Variants in HSPG2 observed in about 807,000 individuals in gnomAD.
The protein encoded by HSPG2 is heparan sulfate proteoglycan 2.
A neutral mutation model predicts 526.6 loss-of-function variants in HSPG2; 278 were observed. The observed-to-expected ratio is 0.53, with a 90% CI of 0.48 to 0.58. The LOEUF (loss-of-function observed/expected upper bound fraction) is 0.58, where lower values mean the gene tolerates loss of function less well. HSPG2 is among the 20% of genes least tolerant of loss of function. The probability of loss-of-function intolerance (pLI) is 0.00; values close to 1 mark genes in which losing one functional copy is unlikely to be tolerated. For missense variants in HSPG2, 5,354 were observed against 6,099.5 expected, an observed-to-expected ratio of 0.88 and a Z score of 4.07; for synonymous variants, 2,465 against 2,555.4, an observed-to-expected ratio of 0.96 and a Z score of 1.07.
chr1:21,908,705 C>A, intron 1 of HSPG2: 3 of 458,282 alleles, frequency 6.5e-6, no homozygotes, highest in Non-Finnish European at 7.6e-6. Context: ...AAGCCATCAA[C>A]TTAAACGACC....
intron 1 of HSPG2, among the ~76,000 whole-genome samples, chr1:21,926,761 C>CAAAAAAAAA (rs57835686): frequency 1.8e-5 from 1 of 55,846 alleles, no homozygotes; most frequent in African/African-American, 7.3e-5. Flanking sequence ...GACTCAGTCT[C>CAAAAAAAAA]AAAAAAAAAA....
chr1:21,852,542 G>C (rs1054983321), intron 52 of HSPG2, among the ~76,000 whole-genome samples, 158 bp downstream of exon 52: 1 of 152,206 alleles, frequency 6.6e-6, no homozygotes, highest in African/African-American at 2.4e-5. Flanking sequence ...ACGGGAAGGC[G>C]GTGGTTACTC....
chr1:21,849,344 C>A (rs1638703524), intron 57 of HSPG2, among the ~76,000 whole-genome samples: 1 of 152,184 alleles, frequency 6.6e-6, no homozygotes, highest in Non-Finnish European at 1.5e-5. Context: ...CTCTGACCCC[C>A]AAGGCCTGGC....
chr1:21,846,122 G>A lies in HSPG2; in HGVS notation c.8450C>T (p.Ala2817Val). The change falls in exon 64 of 97, where the codon GCT becomes GTT. Residue 2817 changes from alanine (A) to valine (V), a missense_variant. Ala to Val is a moderately conservative substitution (Grantham distance 64, BLOSUM62 0). Transcript: ENST00000374695. ...LVTIEASGSS[A>V]VHVPAPGGAP... ...GGGACCCTCACCGGGGACGTGGACAGCACTTGAGCCAGAGGCTTCGATGGT... is the reference window on the plus strand; with the variant it reads ...GGGACCCTCACCGGGGACGTGGACAACACTTGAGCCAGAGGCTTCGATGGT... 6.2e-7 allele frequency: 1 copy of A among 1,612,906 alleles called. No individual in the cohort carries two copies. Among genetic ancestry groups the A allele is most frequent in the Non-Finnish European group, 8.5e-7 (1 of 1,180,044 alleles).
intron 74 of HSPG2, among the ~76,000 whole-genome samples, chr1:21,837,598 C>T (rs886162598): frequency 6.6e-6 from 1 of 152,046 alleles, no homozygotes; most frequent in Admixed American, 6.6e-5. Context: ...CATACTCAGA[C>T]ATTTTAAGGA....
At chr1:21,930,022 A>T (rs1348307236) in intron 1 of HSPG2, among the ~76,000 whole-genome samples, 2 of 152,076 alleles carry the variant, frequency 1.3e-5, no homozygotes, top group Admixed American at 6.6e-5. Context: ...ACTCAGACGC[A>T]AATCCAAGGT....
chr1:21,864,183 T>G lies in HSPG2; in HGVS notation c.4657A>C (p.Ser1553Arg). The stretch of plus-strand genomic sequence containing the variant: ...TCGCAGTGGCCGAGGTAGAGCCCAC[T>G]CCCGGTGCGCGTGTAGCCGGGGGCA... Reference protein sequence around the residue: ...DCAPGYTRTGSGLYLGHCELC... With the variant: ...DCAPGYTRTGRGLYLGHCELC... Residue 1553 changes from serine (S) to arginine (R), a missense_variant, in exon 37 of 97, where the codon AGT becomes CGT. Physicochemically the swap from Ser to Arg is moderately radical, Grantham distance 110. Coordinates refer to ENST00000374695, the MANE Select transcript of HSPG2 (RefSeq NM_005529.7). This position sits in a 1 kb window ranked among gnomAD's most constrained non-coding sequence, Gnocchi z 4.8. The G allele has an allele frequency of 6.4e-7, 1 of 1,553,810 alleles. No homozygotes were observed. Among genetic ancestry groups the G allele is most frequent in the South Asian group, 1.2e-5 (1 of 84,154 alleles).
Position 21,872,072 on chromosome 1 carries a change from G to A in HSPG2, c.4221+114C>T, listed in dbSNP as rs1463883039. 1.9e-5 allele frequency: 22 copies of A among 1,159,828 alleles called. No individual in the cohort carries two copies. Among genetic ancestry groups the A allele is most frequent in the Admixed American group, 8.0e-5 (4 of 50,000 alleles). 71.8% of individuals were successfully genotyped at this position (1,159,828 alleles called of 1,614,324 possible). ...ATGTCTATGGGACTGCAAAAGCCAC[G>A]TGCCTAACCACGATATGGCCATGCA... On this transcript the variant is annotated intron_variant, in intron 33 of 96. Coordinates refer to ENST00000374695, the MANE Select transcript of HSPG2 (RefSeq NM_005529.7). This position sits in a 1 kb window ranked among gnomAD's most constrained non-coding sequence, Gnocchi z 5.5.
At position 21,855,384 on chromosome 1, in the gene HSPG2, C is replaced by A. The variant is rs145332480; in HGVS notation, c.5917G>T (p.Val1973Phe). 5 of 1,612,802 alleles carry A rather than the reference C, an allele frequency of 3.1e-6. No individual in the cohort carries two copies. Among genetic ancestry groups the A allele is most frequent in the Non-Finnish European group, 4.2e-6 (5 of 1,179,732 alleles). Residue 1973 changes from valine to phenylalanine, a missense_variant, in exon 47 of 97, where the codon GTC becomes TTC. By Grantham distance (50) the Val-to-Phe change is conservative. Transcript: ENST00000374695. ...CCTGCAGCCCTGCAGTACAGCCTGACGGTGCGGCCTGCGTGGACCTGGGTC... is the reference window on the plus strand; with the variant it reads ...CCTGCAGCCCTGCAGTACAGCCTGAAGGTGCGGCCTGCGTGGACCTGGGTC... ...ERTQVHAGRT[V>F]RLYCRAAGVP... is the part of the protein sequence containing the mutation.
chr1:21,834,383 T>C (rs1172818551), intron 77 of HSPG2, among the ~76,000 whole-genome samples: 2 of 152,222 alleles, frequency 1.3e-5, no homozygotes, highest in Non-Finnish European at 2.9e-5. Flanking sequence ...CAGACTATGC[T>C]GCAGGTCTCT....
chr1:21,841,324 G>A (rs2098047619), intron 70 of HSPG2, 39 bp from the exon 71 acceptor site: 2 of 1,610,106 alleles, frequency 1.2e-6, no homozygotes, highest in African/African-American at 2.7e-5. Flanking sequence ...CACAGGCAGG[G>A]CTCTGCTGCT....
rs149108863 is a variant in HSPG2 at position 21,867,887 on chromosome 1, A to C, written c.4222-2078T>G. Among the ~76,000 whole-genome samples the C allele has an allele frequency of 6.0e-4, 91 of 151,562 alleles. 1 individual carries two copies. The East Asian group carries it at 0.017, about 28-fold the overall frequency. Reference sequence around the variant, plus strand: ...TAGGATTACAGGTGCCTGCCAACACACCCGGCTAGTTTTTGTATTTTTAGT... The same window carrying C: ...TAGGATTACAGGTGCCTGCCAACACCCCCGGCTAGTTTTTGTATTTTTAGT... On this transcript the variant is annotated intron_variant, in intron 33 of 96. Coordinates refer to ENST00000374695, the MANE Select transcript of HSPG2 (RefSeq NM_005529.7).
chr1:21,930,841 G>T (rs1644329318), intron 1 of HSPG2, among the ~76,000 whole-genome samples: 1 of 151,516 alleles, frequency 6.6e-6, no homozygotes, highest in African/African-American at 2.4e-5. Context: ...TTTGTGAAAT[G>T]AATTTTAAAA....
Position 21,840,001 on chromosome 1 carries a change from G to C in HSPG2, c.9530C>G (p.Pro3177Arg). Residue 3177 changes from proline (P) to arginine (R), a missense_variant, in exon 72 of 97, where the codon CCA (proline) becomes CGA (arginine). Transcript: ENST00000374695. The stretch of plus-strand genomic sequence containing the variant: ...GCACACATAAGTGCCCGCATCTGAT[G>C]GTTTAGCTGATGAAATCTGGGAGAA... ...HAVLQISSAKPSDAGTYVCLA... is the reference protein window; with the variant it reads ...HAVLQISSAKRSDAGTYVCLA... The C allele has an allele frequency of 1.2e-6, 2 of 1,614,168 alleles. No individual in the cohort carries two copies. Among genetic ancestry groups the C allele is most frequent in the African/African-American group, 2.7e-5 (2 of 75,066 alleles).
chr1:21,836,885 G>C lies in HSPG2; in HGVS notation c.10272C>G (p.Pro3424=). The change falls in exon 75 of 97, where the codon CCC becomes CCG. Residue 3424 remains proline, a synonymous_variant. Coordinates refer to ENST00000374695, the MANE Select transcript of HSPG2 (RefSeq NM_005529.7). ...AACGGAGCTGGGTACCCCGGTCGCT[G>C]GGCACAGCACAGTGGAACTCAACGC... ...GASVEFHCAV[P]SDRGTQLRWF... 1 of 1,573,608 alleles carries C rather than the reference G, an allele frequency of 6.4e-7. No homozygotes were observed. The highest frequency in any genetic ancestry group is 2.3e-5 in the East Asian group (1 of 42,682).
In HSPG2 at chr1:21,890,405, C is replaced by A; in HGVS notation, c.413+22G>T. 1 of 1,611,484 alleles carries A rather than the reference C, an allele frequency of 6.2e-7. No homozygotes were observed. The highest frequency in any genetic ancestry group is 1.7e-4 in the Middle Eastern group (1 of 6,060). ...GTTACCCGCTCAAGTCCCCCAGCAG[C>A]CCCCAGGGAGCCCCTTCTCACTTGA... On this transcript the variant is annotated intron_variant, in intron 5 of 96. Transcript: ENST00000374695. The surrounding 1 kb of genome is among the most constrained non-coding windows in gnomAD (Gnocchi z 4.1).
chr1:21,928,698 TC>T (rs1316400990), intron 1 of HSPG2, among the ~76,000 whole-genome samples: 1 of 151,946 alleles, frequency 6.6e-6, no homozygotes. Flanking sequence ...CACCTCAGCC[TC>T]CCAAAGTGCT....
chr1:21,910,775 C>A (rs1643615260), intron 1 of HSPG2, among the ~76,000 whole-genome samples: 1 of 152,108 alleles, frequency 6.6e-6, no homozygotes, highest in South Asian at 2.1e-4. Context: ...GGTAACGTTG[C>A]CAGCTCTCAG....
chr1:21,894,908 A>T (rs899128338), intron 3 of HSPG2, among the ~76,000 whole-genome samples: 1 of 152,126 alleles, frequency 6.6e-6, no homozygotes, highest in African/African-American at 2.4e-5. Context: ...GAAATGGAAA[A>T]CCTTCAGGCA....
Sources: gnomAD v4.1 joint callset for allele counts (sites outside exome capture counted in the v4.1 genomes callset) on GRCh38, gnomAD v4.1.1 for gene constraint, Gnocchi (gnomAD v3.1) non-coding constraint, MANE v1.5 for transcripts, NCBI Gene and HGNC (gene_info 2026-07-23, HGNC 2026-07-21) for gene names.